Variants in SLC20A2 observed in about 807,000 individuals in gnomAD.
SLC20A2 encodes the protein sodium-dependent phosphate transporter 2.
In SLC20A2, 30 loss-of-function variants were observed where a neutral mutation model predicts 61.0. That is an observed-to-expected ratio of 0.49 (90% CI 0.37 to 0.67). The LOEUF (loss-of-function observed/expected upper bound fraction) is 0.67, where lower values mean the gene tolerates loss of function less well. Ranked by LOEUF, SLC20A2 falls within the 30% of genes least tolerant of loss-of-function variation. The pLI, the probability that SLC20A2 is intolerant of heterozygous loss-of-function variation, is 0.00. For synonymous variants in SLC20A2, 351 were observed against 353.3 expected, an observed-to-expected ratio of 0.99 and a Z score of 0.07; for missense variants, 626 against 866.4, an observed-to-expected ratio of 0.72 and a Z score of 3.48.
At chr8:42,447,064 T>G (rs2131067512) in intron 5 of SLC20A2, among the ~76,000 whole-genome samples, 1 of 152,182 alleles carries the variant, frequency 6.6e-6, no homozygotes, top group South Asian at 2.1e-4. Context: ...CTATTAGGCT[T>G]GGCAGGGTGC....
chr8:42,434,460 C>T (rs188998405), intron 8 of SLC20A2, among the ~76,000 whole-genome samples: 49 of 152,276 alleles, frequency 3.2e-4, no homozygotes, highest in Non-Finnish European at 6.8e-4. Context: ...GGCATGGTCC[C>T]AGCTCACTGC....
intron 7 of SLC20A2, 93 bp downstream of exon 7, chr8:42,439,356 TA>T: frequency 1.7e-6 from 2 of 1,203,598 alleles, no homozygotes; most frequent in Non-Finnish European, 2.3e-6. Flanking sequence ...TTTTGTGCAT[TA>T]AAACCAGATT....
intron 1 of SLC20A2, among the ~76,000 whole-genome samples, chr8:42,488,520 T>C (rs542063533): frequency 2.0e-4 from 31 of 152,230 alleles, no homozygotes; most frequent in African/African-American, 7.0e-4. Flanking sequence ...TATACAAATA[T>C]CTTTCCAAGA....
At position 42,474,276 on chromosome 8, in the gene SLC20A2, C is replaced by A. The variant is rs182691027; in HGVS notation, c.-264-1622G>T. ...GTTAGAGACAATTTTTTCCTTTCCTCCCCAAACTGTATACTGTGGTTACAT... is the reference window on the plus strand; with the variant it reads ...GTTAGAGACAATTTTTTCCTTTCCTACCCAAACTGTATACTGTGGTTACAT... On this transcript the variant is annotated intron_variant, in intron 1 of 10. Coordinates refer to ENST00000520262, the MANE Select transcript of SLC20A2 (RefSeq NM_001257180.2). Among the ~76,000 whole-genome samples the A allele has an allele frequency of 7.2e-5, 11 of 152,204 alleles. No homozygotes were observed. The East Asian group carries it at 2.1e-3, about 29-fold the overall frequency.
intron 1 of SLC20A2, among the ~76,000 whole-genome samples, chr8:42,530,902 T>A (rs1812277851): frequency 6.6e-6 from 1 of 152,094 alleles, no homozygotes; most frequent in Non-Finnish European, 1.5e-5. Flanking sequence ...TATTTTTTAG[T>A]AGAGATGAGG....
At chr8:42,458,244 G>T (rs1272244379) in intron 5 of SLC20A2, among the ~76,000 whole-genome samples, 1 of 152,210 alleles carries the variant, frequency 6.6e-6, no homozygotes, top group African/African-American at 2.4e-5. Context: ...ATGTTTAACA[G>T]AATGCTACTA....
intron 1 of SLC20A2, among the ~76,000 whole-genome samples, chr8:42,528,506 C>T (rs1011507790): frequency 6.6e-6 from 1 of 151,588 alleles, no homozygotes; most frequent in African/African-American, 2.4e-5. Flanking sequence ...TATAAAACAG[C>T]CAAATTTTAC....
At chr8:42,541,056 G>C (rs935184041) in intron 1 of SLC20A2, 3 of 152,162 alleles carry the variant, frequency 2.0e-5, no homozygotes, top group Admixed American at 6.5e-5. Flanking sequence ...TATGAAAAGG[G>C]ACTCTATGCT....
chr8:42,522,969 C>T (rs1811682657), intron 1 of SLC20A2, among the ~76,000 whole-genome samples: 1 of 151,412 alleles, frequency 6.6e-6, no homozygotes, highest in Non-Finnish European at 1.5e-5. Flanking sequence ...AAGCAATTCT[C>T]CCACTTTGGC....
chr8:42,468,619 C>T (rs888547323), intron 2 of SLC20A2, among the ~76,000 whole-genome samples: 2 of 152,046 alleles, frequency 1.3e-5, no homozygotes, highest in Non-Finnish European at 2.9e-5. Context: ...AGAGATGAAG[C>T]ATGGGATAAG....
intron 1 of SLC20A2, among the ~76,000 whole-genome samples, chr8:42,495,834 C>T (rs1320601659): frequency 1.3e-5 from 2 of 151,976 alleles, no homozygotes; most frequent in African/African-American, 4.8e-5. Flanking sequence ...ACTGCAACCT[C>T]CACCTCCCAG....
intron 10 of SLC20A2, among the ~76,000 whole-genome samples, chr8:42,425,911 C>A (rs902648282): frequency 2.6e-5 from 4 of 152,106 alleles, no homozygotes; most frequent in Non-Finnish European, 5.9e-5. Flanking sequence ...TGGTGGGCAC[C>A]TGTAGTCCCA....
rs547091095 is a variant in SLC20A2, at chr8:42,462,523, CA to C, written c.516+481del. Among the ~76,000 whole-genome samples the C allele has an allele frequency of 7.7e-3, 1,176 of 151,960 alleles. 10 individuals carry two copies. Among genetic ancestry groups the C allele is most frequent in the African/African-American group, 0.026 (1,097 of 41,410 alleles). The stretch of plus-strand genomic sequence containing the variant: ...AATTTTTTTTTAGACAAGATGTACC[CA>C]ATAGGTGTATTTCCTTCTTTTTATC... On this transcript the variant is annotated intron_variant, in intron 4 of 10. Transcript: ENST00000520262.
At chr8:42,449,412 A>G (rs936311979) in intron 5 of SLC20A2, among the ~76,000 whole-genome samples, 4 of 152,252 alleles carry the variant, frequency 2.6e-5, no homozygotes, top group Admixed American at 2.6e-4. Flanking sequence ...CAAATTCCCA[A>G]AAGATTAGAC....
chr8:42,467,469 A>G (rs1167004441), intron 2 of SLC20A2, among the ~76,000 whole-genome samples: 1 of 152,236 alleles, frequency 6.6e-6, no homozygotes, highest in African/African-American at 2.4e-5. Context: ...GGCCTGGCTG[A>G]TAAGCTGGGC....
chr8:42,416,984 G>T lies in SLC20A2; in HGVS notation c.*819C>A, dbSNP rs969339476. 6.5e-6 allele frequency: 1 copy of T among 152,680 alleles called. No individual in the cohort carries two copies. The allele number at this position is 152,680 out of a possible 1,614,324, so 9.5% of individuals were successfully genotyped here. A position where few individuals can be genotyped will look rare whatever the true frequency, so the allele number is the denominator to read the frequency against. ...CGGTGGCACTGCTGGTGGGAGCCAC[G>T]GCGTGGCGCATGCTGGGTGACGGTG... On this transcript the variant is annotated 3_prime_UTR_variant, in exon 11 of 11. Coordinates refer to ENST00000520262, the MANE Select transcript of SLC20A2 (RefSeq NM_001257180.2).
chr8:42,500,640 A>G (rs377063717), intron 1 of SLC20A2, among the ~76,000 whole-genome samples: 2 of 152,254 alleles, frequency 1.3e-5, no homozygotes, highest in Admixed American at 6.5e-5. Context: ...AGCACAGAGT[A>G]TAACAGGAAT....
chr8:42,485,117 C>A, intron 1 of SLC20A2: 1 of 175,660 alleles, frequency 5.7e-6, no homozygotes, highest in Non-Finnish European at 1.2e-5. Context: ...TTCCCTTCTC[C>A]CACCCACTGT....
At chr8:42,444,907 A>G (rs978157241) in intron 5 of SLC20A2, 145 bp from the exon 6 acceptor site, 3 of 606,934 alleles carry the variant, frequency 4.9e-6, no homozygotes, top group East Asian at 5.5e-5. Flanking sequence ...AAAACATGCT[A>G]TACTTTTTGG....
Sources: allele counts gnomAD v4.1 joint callset (sites outside exome capture counted in the v4.1 genomes callset), GRCh38; gene constraint gnomAD v4.1.1; transcripts MANE v1.5; gene names NCBI Gene and HGNC (gene_info 2026-07-23, HGNC 2026-07-21).